The following BANK1 variants were observed in gnomAD, a reference collection of about 807,000 sequenced individuals.
The protein encoded by BANK1 is B-cell scaffold protein with ankyrin repeats.
Under a neutral mutation model 94.5 loss-of-function variants are expected in BANK1, and 95 were observed. The observed-to-expected ratio is 1.00, with a 90% CI of 0.85 to 1.19. The LOEUF is 1.19. BANK1 is among the 50% of genes most tolerant of loss of function. The probability of loss-of-function intolerance (pLI) is 0.00; values close to 1 mark genes in which losing one functional copy is unlikely to be tolerated. For synonymous variants in BANK1, 334 were observed against 308.4 expected (o/e 1.08, Z -0.87); for missense variants, 987 against 932.2 (o/e 1.06, Z -0.77).
intron 7 of BANK1, among the ~76,000 whole-genome samples, chr4:101,936,193 A>AT (rs1003159055): frequency 6.8e-6 from 1 of 147,632 alleles, no homozygotes; most frequent in African/African-American, 2.5e-5. Context: ...TATGATATAT[A>AT]TATTTTTTAT....
chr4:101,895,530 A>G, intron 6 of BANK1, 120 bp downstream of exon 6: 1 of 597,802 alleles, frequency 1.7e-6, no homozygotes. Flanking sequence ...TGATTTAGAC[A>G]ACTCCTGACT....
chr4:101,948,995 G>A (rs959322193), intron 7 of BANK1, among the ~76,000 whole-genome samples: 6 of 151,936 alleles, frequency 3.9e-5, no homozygotes, highest in African/African-American at 1.5e-4. Flanking sequence ...TTCTGAGTTT[G>A]TGGGTGACCC....
chr4:101,939,600 C>T (rs544362243), intron 7 of BANK1, among the ~76,000 whole-genome samples: 18 of 151,528 alleles, frequency 1.2e-4, no homozygotes, highest in Admixed American at 6.6e-5. Context: ...TGCCTCTGCC[C>T]CAAAGTGACT....
intron 1 of BANK1, among the ~76,000 whole-genome samples, chr4:101,822,867 G>T (rs188908240): frequency 6.6e-6 from 1 of 152,094 alleles, no homozygotes; most frequent in Non-Finnish European, 1.5e-5. Context: ...CGCCCGCCTC[G>T]GCCTCCCAGA....
intron 7 of BANK1, among the ~76,000 whole-genome samples, chr4:101,995,803 T>C (rs1725858404): frequency 6.6e-6 from 1 of 152,212 alleles, no homozygotes; most frequent in Admixed American, 6.5e-5. Flanking sequence ...TTTGTTTCAT[T>C]CTTTTAAATT....
intron 7 of BANK1, among the ~76,000 whole-genome samples, chr4:101,976,510 C>T (rs1269641141): frequency 1.3e-5 from 2 of 152,004 alleles, no homozygotes; most frequent in Non-Finnish European, 2.9e-5. Context: ...ATTTTCTAGC[C>T]AGAGTAAAGT....
At chr4:101,918,215 T>A (rs1204043135) in intron 7 of BANK1, 26 bp downstream of exon 7, 1 of 1,439,150 alleles carries the variant, frequency 6.9e-7, no homozygotes, top group Non-Finnish European at 9.4e-7. Flanking sequence ...AAATTATATC[T>A]CTGTATATTC....
At position 101,944,831 on chromosome 4, in the gene BANK1, A is replaced by G. The variant is rs41516147; in HGVS notation, c.1206+26642A>G. Among the ~76,000 whole-genome samples the G allele has an allele frequency of 5.6e-3, 855 of 152,084 alleles. 15 individuals are homozygous for G. In the East Asian group the frequency reaches 0.056, roughly 10 times the overall value. On this transcript the variant is annotated intron_variant, in intron 7 of 16. Coordinates refer to ENST00000322953, the MANE Select transcript of BANK1 (RefSeq NM_017935.5). ...GACCCTATGGTAAAGTGAGATCACA[A>G]TGTACCTCAAGAGTGATTAAAGTTT...
chr4:102,030,450 T>C (rs969661031), intron 10 of BANK1, among the ~76,000 whole-genome samples, 185 bp downstream of exon 10: 4 of 152,054 alleles, frequency 2.6e-5, no homozygotes, highest in Admixed American at 2.6e-4. Flanking sequence ...TTATTATTAT[T>C]ATACTTTAAG....
intron 7 of BANK1, among the ~76,000 whole-genome samples, chr4:101,945,740 A>G (rs185693101): frequency 2.6e-5 from 4 of 152,050 alleles, no homozygotes. Flanking sequence ...GTAGACTCTC[A>G]GTACATATTT....
At chr4:101,960,511 T>C (rs555025173) in intron 7 of BANK1, among the ~76,000 whole-genome samples, 10 of 152,086 alleles carry the variant, frequency 6.6e-5, no homozygotes, top group South Asian at 4.2e-4. Context: ...ATTTAGTGGG[T>C]AGTGGGGAAC....
chr4:101,962,387 T>C (rs1042844796), intron 7 of BANK1, among the ~76,000 whole-genome samples: 2 of 152,188 alleles, frequency 1.3e-5, no homozygotes, highest in African/African-American at 4.8e-5. Flanking sequence ...ATATTTCTTT[T>C]CTGTTTTCCC....
chr4:101,972,466 T>C (rs1218126103), intron 7 of BANK1: 1 of 152,088 alleles, frequency 6.6e-6, no homozygotes, highest in Non-Finnish European at 1.5e-5. Flanking sequence ...ACATGTAATA[T>C]ACTAACACCT....
chr4:101,999,533 A>C (rs1046529406), intron 7 of BANK1, among the ~76,000 whole-genome samples: 4 of 152,194 alleles, frequency 2.6e-5, no homozygotes, highest in Non-Finnish European at 5.9e-5. Flanking sequence ...AGATTTATTC[A>C]TTTACTCATC....
At chr4:101,827,780 C>T (rs1168297299) in intron 1 of BANK1, among the ~76,000 whole-genome samples, 4 of 151,844 alleles carry the variant, frequency 2.6e-5, no homozygotes, top group African/African-American at 9.7e-5. Flanking sequence ...CTTCACTTTC[C>T]CTTTCCCCAA....
chr4:102,058,845 A>G (rs1728321076), intron 11 of BANK1, among the ~76,000 whole-genome samples: 1 of 151,986 alleles, frequency 6.6e-6, no homozygotes, highest in Non-Finnish European at 1.5e-5. Flanking sequence ...TAAAGAAGAA[A>G]GAAAGAAAGC....
Position 102,029,972 on chromosome 4 carries a change from A to C in BANK1, c.1607A>C (p.Glu536Ala). The change falls in exon 10 of 17, where the codon GAA becomes GCA. Residue 536 changes from glutamate to alanine, a missense_variant. Physicochemically the swap from Glu to Ala is moderately radical, Grantham distance 107. Coordinates refer to ENST00000322953, the MANE Select transcript of BANK1 (RefSeq NM_017935.5). Reference sequence around the variant, plus strand: ...ATTTCATAAACAGGGACAATGGTGGAAGGCCAAATGGAAAGAAGTCAAAAC... The same window carrying C: ...ATTTCATAAACAGGGACAATGGTGGCAGGCCAAATGGAAAGAAGTCAAAAC... The part of the protein sequence containing the change: ...PHFTLPGTMV[E>A]GQMERSQNWG... 6.2e-7 allele frequency: 1 copy of C among 1,605,016 alleles called. No homozygotes were observed. The highest frequency in any genetic ancestry group is 8.5e-7 in the Non-Finnish European group (1 of 1,177,336).
At chr4:102,036,085 A>T (rs757231478) in intron 10 of BANK1, among the ~76,000 whole-genome samples, 1 of 152,212 alleles carries the variant, frequency 6.6e-6, no homozygotes, top group East Asian at 1.9e-4. Context: ...CTCACACACA[A>T]TTAATAGAAC....
In BANK1 at chr4:102,060,301, T is replaced by A; in HGVS notation, c.2060T>A (p.Val687Glu). The change falls in exon 12 of 17, where the codon GTA (valine) becomes GAA (glutamate). Residue 687 changes from valine (V) to glutamate (E), a missense_variant. Coordinates refer to ENST00000322953, the MANE Select transcript of BANK1 (RefSeq NM_017935.5). Reference protein sequence around the residue: ...QEELILLQEKVKNGKMSMDEA... With the variant: ...QEELILLQEKEKNGKMSMDEA... The stretch of plus-strand genomic sequence containing the variant: ...GAACTCATCCTCCTGCAGGAGAAAG[T>A]AAAGAATGGGAAAATGTCTATGGAT... 1 of 1,610,484 alleles carries A rather than the reference T, an allele frequency of 6.2e-7. No homozygotes were observed. Among genetic ancestry groups the A allele is most frequent in the Non-Finnish European group, 8.5e-7 (1 of 1,178,838 alleles).
Sources: gnomAD v4.1 joint callset for allele counts (sites outside exome capture counted in the v4.1 genomes callset) on GRCh38, gnomAD v4.1.1 for gene constraint, MANE v1.5 for transcripts, NCBI Gene and HGNC (gene_info 2026-07-23, HGNC 2026-07-21) for gene names.